DYM: variants seen among roughly 807,000 people sequenced by gnomAD.
DYM encodes dyggve-Melchior-Clausen syndrome protein.
Under a neutral mutation model 93.1 loss-of-function variants are expected in DYM, and 78 were observed. The ratio of observed to expected loss-of-function variants is 0.84; its 90% CI spans 0.70 to 1.01. The LOEUF (loss-of-function observed/expected upper bound fraction) is 1.01. DYM is among the 50% of genes least tolerant of loss of function. The pLI, the probability that DYM is intolerant of heterozygous loss-of-function variation, is 0.00. For synonymous variants in DYM, 321 were observed against 319.7 expected, an observed-to-expected ratio of 1.00 and a Z score of -0.04; for missense variants, 789 against 845.0, an observed-to-expected ratio of 0.93 and a Z score of 0.82.
intron 17 of DYM, among the ~76,000 whole-genome samples, chr18:49,069,157 G>C (rs527721027): frequency 6.6e-6 from 1 of 152,304 alleles, no homozygotes; most frequent in South Asian, 2.1e-4. Context: ...ACTTAGTCTT[G>C]ACAGAGATAC....
At chr18:49,107,931 G>A (rs533814953) in intron 16 of DYM, among the ~76,000 whole-genome samples, 19 of 152,354 alleles carry the variant, frequency 1.2e-4, no homozygotes, top group African/African-American at 4.1e-4. Context: ...TCTCTTCAAA[G>A]CTGTCAGACA....
intron 13 of DYM, among the ~76,000 whole-genome samples, chr18:49,220,174 A>G (rs2093288879): frequency 6.6e-6 from 1 of 152,196 alleles, no homozygotes; most frequent in Admixed American, 6.5e-5. Context: ...AGAGAATAAA[A>G]TATCTAGGAA....
rs1050789206 is a variant in DYM, at chr18:49,160,801, C to G, written c.1728+2884G>C. Among the ~76,000 whole-genome samples, 4 of 152,240 alleles carry G rather than the reference C, an allele frequency of 2.6e-5. No individual in the cohort carries two copies. In the East Asian group the frequency reaches 7.7e-4, roughly 29 times the overall value. Reference sequence around the variant, plus strand: ...ACTAATGTAAAAGAGAAAATGGTTTCAAATGTGTAAATCACTTATACAACA... The same window carrying G: ...ACTAATGTAAAAGAGAAAATGGTTTGAAATGTGTAAATCACTTATACAACA... On this transcript the variant is annotated intron_variant, in intron 15 of 17. Coordinates refer to ENST00000675505, the MANE Select transcript of DYM (RefSeq NM_001353214.3).
chr18:49,335,625 ATCAT>A (rs1467378022), intron 6 of DYM, among the ~76,000 whole-genome samples: 1 of 152,132 alleles, frequency 6.6e-6, no homozygotes, highest in Non-Finnish European at 1.5e-5. Flanking sequence ...TATCACAATA[ATCAT>A]TCATTCAAAA....
intron 13 of DYM, among the ~76,000 whole-genome samples, chr18:49,251,359 C>T (rs2094283694): frequency 6.6e-6 from 1 of 152,032 alleles, no homozygotes; most frequent in Non-Finnish European, 1.5e-5. Flanking sequence ...ATGCAAATTA[C>T]AATGGCAGTT....
chr18:49,079,936 G>A (rs1370432679), intron 17 of DYM, among the ~76,000 whole-genome samples: 2 of 151,316 alleles, frequency 1.3e-5, no homozygotes, highest in African/African-American at 4.8e-5. Context: ...TCCCAGACGG[G>A]GTGGTGGCCG....
At chr18:49,125,392 T>C (rs149288217) in intron 15 of DYM, among the ~76,000 whole-genome samples, 281 of 152,344 alleles carry the variant, frequency 1.8e-3, no homozygotes, top group African/African-American at 6.1e-3. Flanking sequence ...CTGCTAGTCC[T>C]AGTAGATGCA....
chr18:49,054,132 A>G (rs2075267834), intron 17 of DYM, among the ~76,000 whole-genome samples: 1 of 152,266 alleles, frequency 6.6e-6, no homozygotes, highest in African/African-American at 2.4e-5. Flanking sequence ...TGACAAATCT[A>G]TGAAATATTA....
intron 2 of DYM, among the ~76,000 whole-genome samples, chr18:49,399,929 T>TTTTTA (rs1491096284): frequency 7.7e-6 from 1 of 129,234 alleles, no homozygotes; most frequent in African/African-American, 2.9e-5. Flanking sequence ...TTTATTTTTA[T>TTTTTA]TTTTCTTTTT....
intron 13 of DYM, among the ~76,000 whole-genome samples, chr18:49,210,839 G>A (rs939714083): frequency 6.6e-6 from 1 of 152,070 alleles, no homozygotes; most frequent in East Asian, 1.9e-4. Flanking sequence ...ACCTAAAACT[G>A]CTCTTTAAAA....
intron 15 of DYM, among the ~76,000 whole-genome samples, chr18:49,156,426 T>A (rs1002914422): frequency 6.6e-6 from 1 of 150,390 alleles, no homozygotes; most frequent in South Asian, 2.1e-4. Context: ...CGCCCCCCCC[T>A]CAAAAAAAAC....
chr18:49,428,776 G>A (rs2074542682), intron 2 of DYM, among the ~76,000 whole-genome samples: 1 of 152,086 alleles, frequency 6.6e-6, no homozygotes, highest in Admixed American at 6.6e-5. Context: ...GTTCCTTTCT[G>A]GGATGATAAT....
intron 5 of DYM, among the ~76,000 whole-genome samples, chr18:49,373,515 T>C (rs985641360): frequency 1.3e-5 from 2 of 151,982 alleles, no homozygotes; most frequent in African/African-American, 4.8e-5. Context: ...GCCATTTTGG[T>C]TTTGGTGGGT....
intron 2 of DYM, among the ~76,000 whole-genome samples, chr18:49,396,869 TCCCATAGA>T (rs1406884290): frequency 2.0e-5 from 3 of 152,130 alleles, no homozygotes; most frequent in African/African-American, 7.2e-5. Context: ...AAAAAGTTGA[TCCCATAGA>T]GATAAACAGT....
At chr18:49,404,531 C>T (rs560597702) in intron 2 of DYM, among the ~76,000 whole-genome samples, 4 of 152,216 alleles carry the variant, frequency 2.6e-5, no homozygotes, top group African/African-American at 7.2e-5. Context: ...ATTTACATTC[C>T]CACCAACGAT....
chr18:49,109,131 C>G (rs2081161558), intron 16 of DYM, among the ~76,000 whole-genome samples: 1 of 151,996 alleles, frequency 6.6e-6, no homozygotes, highest in South Asian at 2.1e-4. Flanking sequence ...ATAGACAGCA[C>G]ATAGTTAGGT....
intron 2 of DYM, among the ~76,000 whole-genome samples, chr18:49,398,926 C>G (rs2070444644): frequency 6.6e-6 from 1 of 152,180 alleles, no homozygotes; most frequent in African/African-American, 2.4e-5. Flanking sequence ...AAATTAATAA[C>G]TAGACCACAT....
At chr18:49,276,469 G>A (rs991217667) in intron 10 of DYM, among the ~76,000 whole-genome samples, 5 of 151,938 alleles carry the variant, frequency 3.3e-5, no homozygotes, top group Non-Finnish European at 7.4e-5. Context: ...CTTTAATTCT[G>A]AAAGAACTAT....
Position 49,330,551 on chromosome 18 carries a change from A to T in DYM, c.763+1313T>A, listed in dbSNP as rs1185287712. ...AAAGAAAACCCAAAAACCATACACAAATCCATGTTTACTTTTTTAAAAAAC... is the reference window on the plus strand; with the variant it reads ...AAAGAAAACCCAAAAACCATACACATATCCATGTTTACTTTTTTAAAAAAC... On this transcript the variant is annotated intron_variant, in intron 8 of 17. Coordinates refer to ENST00000675505, the MANE Select transcript of DYM (RefSeq NM_001353214.3). 2.0e-5 allele frequency among the ~76,000 whole-genome samples: 3 copies of T among 152,130 alleles called. No individual in the cohort carries two copies. The East Asian group carries it at 5.8e-4, about 29-fold the overall frequency.
Sources: allele counts gnomAD v4.1 joint callset (sites outside exome capture counted in the v4.1 genomes callset), GRCh38; gene constraint gnomAD v4.1.1; transcripts MANE v1.5; gene names NCBI Gene and HGNC (gene_info 2026-07-23, HGNC 2026-07-21).